The following TENM1 variants were observed in gnomAD, a reference collection of about 807,000 sequenced individuals.
The protein encoded by TENM1 is teneurin-1.
TENM1 carries 35 observed loss-of-function variants against 174.8 expected under a neutral mutation model. The observed-to-expected ratio is 0.20, with a 90% CI of 0.15 to 0.27. The LOEUF (loss-of-function observed/expected upper bound fraction) is 0.27, where lower values mean the gene tolerates loss of function less well. Among genes scored for constraint, TENM1 ranks in the 10% least tolerant of loss-of-function variants. TENM1 has a pLI of 1.00. For missense variants in TENM1, 1,633 were observed against 2,130.1 expected (o/e 0.77, Z 4.59); for synonymous variants, 781 against 798.7 (o/e 0.98, Z 0.37).
chrX:124,540,452 T>C (rs993302859), intron 15 of TENM1, among the ~76,000 whole-genome samples: 1 of 112,097 alleles, frequency 8.9e-6, no homozygotes, highest in Non-Finnish European at 1.9e-5. Flanking sequence ...ATTATGGTTA[T>C]TCTTAAGTCT....
At chrX:124,602,489 T>C (rs1166138146) in intron 11 of TENM1, among the ~76,000 whole-genome samples, 2 of 110,901 alleles carry the variant, frequency 1.8e-5, no homozygotes, top group Non-Finnish European at 3.8e-5. Context: ...AATAAGATTA[T>C]TGGTAAGTTG....
chrX:124,684,161 G>A (rs1216353424), intron 5 of TENM1, among the ~76,000 whole-genome samples: 1 of 111,572 alleles, frequency 9.0e-6, no homozygotes, highest in African/African-American at 3.3e-5. Context: ...ATTTTAAAAC[G>A]CAAATTAGAG....
the TENM1 span, among the ~76,000 whole-genome samples, chrX:125,115,367 T>C: frequency 3.6e-5 from 4 of 111,653 alleles, no homozygotes; most frequent in Admixed American, 9.6e-5. Context: ...CTATTCAACA[T>C]AGTATTGGAA....
chrX:125,065,227 G>A, the TENM1 span, among the ~76,000 whole-genome samples: 1 of 112,007 alleles, frequency 8.9e-6, no homozygotes, highest in Non-Finnish European at 1.9e-5. Context: ...TGCTCAAGGT[G>A]TTTCACTTGT....
At chrX:124,424,481 C>G (rs1249227829) in intron 23 of TENM1, among the ~76,000 whole-genome samples, 1 of 112,030 alleles carries the variant, frequency 8.9e-6, no homozygotes, top group Admixed American at 9.4e-5. Context: ...CTATCCCTGT[C>G]CACCTTCCCA....
chrX:125,115,660 A>G, the TENM1 span, among the ~76,000 whole-genome samples: 4 of 111,171 alleles, frequency 3.6e-5, no homozygotes, highest in Non-Finnish European at 5.7e-5. Flanking sequence ...AGAATAAAAT[A>G]CCTAGGAATA....
At chrX:124,843,030 T>C (rs889569927) in intron 3 of TENM1, among the ~76,000 whole-genome samples, 2 of 111,058 alleles carry the variant, frequency 1.8e-5, no homozygotes, top group Admixed American at 9.6e-5. Context: ...TCTCAGGTCC[T>C]TTCATCAAGC....
At chrX:125,074,258 TTC>T in the TENM1 span, among the ~76,000 whole-genome samples, 16 of 109,669 alleles carry the variant, frequency 1.5e-4, no homozygotes, top group South Asian at 3.9e-4. Flanking sequence ...TTATTTTTCT[TTC>T]TTTTTTTTTT....
intron 27 of TENM1, among the ~76,000 whole-genome samples, chrX:124,397,842 C>T (rs1051669657): frequency 8.2e-5 from 9 of 109,194 alleles, no homozygotes; most frequent in Admixed American, 7.7e-4. Flanking sequence ...ATCCACCCGC[C>T]TCAGCCTCCC....
At chrX:124,866,927 C>G (rs1307189271) in intron 3 of TENM1, among the ~76,000 whole-genome samples, 1 of 110,968 alleles carries the variant, frequency 9.0e-6, no homozygotes, top group Non-Finnish European at 1.9e-5. Context: ...ATACATATAA[C>G]CTACCAAGAT....
chrX:124,623,687 T>C (rs1423912673), intron 11 of TENM1, among the ~76,000 whole-genome samples: 2 of 111,678 alleles, frequency 1.8e-5, no homozygotes, highest in African/African-American at 6.5e-5. Context: ...GTAATATCAG[T>C]TTAATAGATG....
At chrX:124,696,350 T>C (rs1440473371) in intron 5 of TENM1, among the ~76,000 whole-genome samples, 1 of 111,977 alleles carries the variant, frequency 8.9e-6, no homozygotes, top group Non-Finnish European at 1.9e-5. Context: ...TTCTTGACTC[T>C]CTGCTAGGTG....
chrX:125,191,800 C>T, the TENM1 span, among the ~76,000 whole-genome samples: 1 of 112,049 alleles, frequency 8.9e-6, no homozygotes, highest in Non-Finnish European at 1.9e-5. Flanking sequence ...TTTATGTCCC[C>T]TCCAATATTC....
At chrX:124,736,901 T>C in intron 4 of TENM1, 56 bp downstream of exon 7, 2 of 1,155,654 alleles carry the variant, frequency 1.7e-6, no homozygotes, top group Non-Finnish European at 2.3e-6. Context: ...CTGCAATCAG[T>C]AGAACCATCC....
intron 5 of TENM1, among the ~76,000 whole-genome samples, chrX:124,696,622 T>C (rs2052657997): frequency 9.0e-6 from 1 of 111,575 alleles, no homozygotes; most frequent in Non-Finnish European, 1.9e-5. Flanking sequence ...ATCTGCTCTC[T>C]TTATTTAATA....
At chrX:124,673,363 G>A (rs904284495) in intron 5 of TENM1, among the ~76,000 whole-genome samples, 4 of 111,899 alleles carry the variant, frequency 3.6e-5, no homozygotes, top group Non-Finnish European at 5.6e-5. Context: ...ATTAGGCAAC[G>A]CAGAGGCATT....
At chrX:124,510,315 A>C (rs2047552597) in intron 18 of TENM1, among the ~76,000 whole-genome samples, 1 of 112,624 alleles carries the variant, frequency 8.9e-6, no homozygotes, top group African/African-American at 3.2e-5. Context: ...ACAGCTACTA[A>C]GGGGGAAGAC....
At chrX:124,599,160 A>G (rs779665979) in intron 11 of TENM1, among the ~76,000 whole-genome samples, 23 of 111,794 alleles carry the variant, frequency 2.1e-4, no homozygotes, top group Admixed American at 4.8e-4. Flanking sequence ...TGTATGCAAA[A>G]TATTTTTATG....
At chrX:124,763,652 C>A (rs1442567100) in intron 3 of TENM1, among the ~76,000 whole-genome samples, 2 of 111,782 alleles carry the variant, frequency 1.8e-5, no homozygotes, top group African/African-American at 3.3e-5. Flanking sequence ...TTCTAGGTTT[C>A]ATGTGAGAAC....
Sources: gnomAD v4.1 joint callset for allele counts (sites outside exome capture counted in the v4.1 genomes callset) on GRCh38, gnomAD v4.1.1 for gene constraint, MANE v1.5 for transcripts, NCBI Gene and HGNC (gene_info 2026-07-23, HGNC 2026-07-21) for gene names.